CACNA2D1: variants seen among roughly 807,000 people sequenced by gnomAD.
CACNA2D1 encodes the protein voltage-dependent calcium channel subunit alpha-2/delta-1.
Under a neutral mutation model 171.5 loss-of-function variants are expected in CACNA2D1, and 53 were observed. The ratio of observed to expected loss-of-function variants is 0.31; its 90% CI spans 0.25 to 0.39. The LOEUF (loss-of-function observed/expected upper bound fraction) is 0.39, where lower values mean the gene tolerates loss of function less well. Among genes scored for constraint, CACNA2D1 ranks in the 10% least tolerant of loss-of-function variants. The pLI is 1.00. For missense variants in CACNA2D1, 903 were observed against 1,299.8 expected (o/e 0.69, Z 4.69); for synonymous variants, 442 against 443.1 (o/e 1.00, Z 0.03).
At chr7:82,318,856 G>T (rs1403205601) in intron 3 of CACNA2D1, among the ~76,000 whole-genome samples, 1 of 150,592 alleles carries the variant, frequency 6.6e-6, no homozygotes, top group Non-Finnish European at 1.5e-5. Flanking sequence ...GAAAGAGGAA[G>T]AAGAAGGGAC....
intron 7 of CACNA2D1, among the ~76,000 whole-genome samples, chr7:82,081,838 C>G (rs1159338106): frequency 6.7e-6 from 1 of 148,956 alleles, no homozygotes; most frequent in Non-Finnish European, 1.5e-5. Context: ...TGACTGTGCA[C>G]CCAGCCTCTG....
chr7:82,176,488 T>C (rs1414991056), intron 3 of CACNA2D1, among the ~76,000 whole-genome samples: 1 of 151,974 alleles, frequency 6.6e-6, no homozygotes, highest in Admixed American at 6.6e-5. Context: ...GTGCTGTACT[T>C]ACAGATTGTT....
chr7:81,995,454 T>A (rs1296086401), intron 19 of CACNA2D1, among the ~76,000 whole-genome samples: 1 of 152,158 alleles, frequency 6.6e-6, no homozygotes, highest in Non-Finnish European at 1.5e-5. Flanking sequence ...TATTTGGATT[T>A]AGAATAATAG....
intron 15 of CACNA2D1, among the ~76,000 whole-genome samples, chr7:82,008,788 T>G (rs1410374024): frequency 1.3e-5 from 2 of 152,104 alleles, no homozygotes; most frequent in Non-Finnish European, 2.9e-5. Context: ...TTAAAAATAT[T>G]TATTAATATC....
rs528174390 is a variant in CACNA2D1, at chr7:82,324,132, G to A, written c.294+11003C>T. ...CGCACTTTGGGAGGCTGAGGTGGGCGGATCACTTGAGGTCAGGAGTTTGAG... is the reference window on the plus strand; with the variant it reads ...CGCACTTTGGGAGGCTGAGGTGGGCAGATCACTTGAGGTCAGGAGTTTGAG... On this transcript the variant is annotated intron_variant, in intron 3 of 38. Coordinates refer to ENST00000356860, the MANE Select transcript of CACNA2D1 (RefSeq NM_000722.4). Among the ~76,000 whole-genome samples the A allele has an allele frequency of 9.9e-5, 15 of 152,178 alleles. No individual in the cohort carries two copies. In the East Asian group the frequency reaches 1.2e-3, roughly 12 times the overall value.
At chr7:82,191,877 A>C (rs1798330449) in intron 3 of CACNA2D1, among the ~76,000 whole-genome samples, 1 of 151,812 alleles carries the variant, frequency 6.6e-6, no homozygotes, top group Non-Finnish European at 1.5e-5. Flanking sequence ...GCTTAATGAG[A>C]TACGCTTTTC....
chr7:81,947,043 T>C lies in CACNA2D1; in HGVS notation c.*3349A>G, dbSNP rs1396746288. 1 of 152,074 alleles carries C rather than the reference T, an allele frequency of 6.6e-6. No homozygotes were observed. Among genetic ancestry groups the C allele is most frequent in the African/African-American group, 2.4e-5 (1 of 41,444 alleles). 9.4% of individuals were successfully genotyped at this position (152,074 alleles called of 1,614,324 possible). A position where few individuals can be genotyped will look rare whatever the true frequency, so the allele number is the denominator to read the frequency against. On this transcript the variant is annotated 3_prime_UTR_variant, in exon 39 of 39. Transcript: ENST00000356860. ...TTAAAAAAAGTAACAACATCCATTT[T>C]GTTTCACTAGGTCAGACTATACCAT...
At position 81,964,281 on chromosome 7, in the gene CACNA2D1, A is replaced by T; in HGVS notation, c.2653T>A (p.Ser885Thr). 6.2e-7 allele frequency: 1 copy of T among 1,612,544 alleles called. No individual in the cohort carries two copies. Among genetic ancestry groups the T allele is most frequent in the Non-Finnish European group, 8.5e-7 (1 of 1,179,006 alleles). ...VNISVYAFNK[S>T]YDYQSVCEPG... is the part of the protein sequence containing the mutation. The stretch of plus-strand genomic sequence containing the variant: ...TCACATACTGACTGATAATCATAAG[A>T]TTTGTTAAAAGCATAAACTGATATA... Residue 885 changes from serine to threonine, a missense_variant, in exon 33 of 39, where the codon TCT (serine) becomes ACT (threonine). Physicochemically the swap from Ser to Thr is moderately conservative, Grantham distance 58. This residue lies in a region of CACNA2D1 where 623 missense variants were observed against 925.5 expected (regional missense o/e 0.67). Coordinates refer to ENST00000356860, the MANE Select transcript of CACNA2D1 (RefSeq NM_000722.4).
chr7:82,410,922 T>C (rs1827577053), intron 1 of CACNA2D1, among the ~76,000 whole-genome samples: 1 of 152,232 alleles, frequency 6.6e-6, no homozygotes, highest in Admixed American at 6.5e-5. Flanking sequence ...CTCTCTCTCA[T>C]AGGATTACAT....
chr7:82,132,515 G>GC (rs905997285), intron 5 of CACNA2D1, among the ~76,000 whole-genome samples: 1 of 152,126 alleles, frequency 6.6e-6, no homozygotes, highest in Non-Finnish European at 1.5e-5. Context: ...TCTGAGACAT[G>GC]CCCCTAAAGG....
intron 1 of CACNA2D1, among the ~76,000 whole-genome samples, chr7:82,386,050 A>T (rs2129449976): frequency 6.6e-6 from 1 of 152,170 alleles, no homozygotes; most frequent in African/African-American, 2.4e-5. Flanking sequence ...CTGAACTAGA[A>T]TTTTTTTCAG....
intron 38 of CACNA2D1, among the ~76,000 whole-genome samples, chr7:81,951,970 T>TTTTTTGTTTTTTTTTTTG (rs1792593421): frequency 4.2e-5 from 1 of 23,960 alleles, no homozygotes; most frequent in Admixed American, 6.1e-4. Context: ...GTACAAAGTG[T>TTTTTTGTTTTTTTTTTTG]TTTTTTTTTT....
At chr7:82,271,225 G>A (rs1364228662) in intron 3 of CACNA2D1, among the ~76,000 whole-genome samples, 1 of 151,946 alleles carries the variant, frequency 6.6e-6, no homozygotes, top group African/African-American at 2.4e-5. Context: ...AATTCATCAT[G>A]TAGAAAAGAA....
At chr7:81,976,965 G>A (rs1367221128) in intron 24 of CACNA2D1, among the ~76,000 whole-genome samples, 2 of 152,156 alleles carry the variant, frequency 1.3e-5, no homozygotes, top group East Asian at 3.9e-4. Flanking sequence ...AGACAATGGG[G>A]TTTTCTAAAT....
At position 82,038,194 on chromosome 7, in the gene CACNA2D1, A is replaced by T. The variant is rs773515716; in HGVS notation, c.921T>A (p.Leu307=). ...NAQDVSCFQH[L]VQANVRNKKV... is the part of the protein sequence containing the mutation. ...TTTTATTTCTTACATTTGCTTGGAC[A>T]AGGTGCTGAAAACAGCTTACATCCT... The change falls in exon 11 of 39, where the codon CTT becomes CTA. Residue 307 remains leucine (L), a synonymous_variant. Coordinates refer to ENST00000356860, the MANE Select transcript of CACNA2D1 (RefSeq NM_000722.4). The T allele has an allele frequency of 1.9e-6, 3 of 1,613,758 alleles. No individual in the cohort carries two copies. The highest frequency in any genetic ancestry group is 2.5e-6 in the Non-Finnish European group (3 of 1,179,838).
chr7:82,111,428 G>GTGTATATA (rs1413914216), intron 6 of CACNA2D1, among the ~76,000 whole-genome samples: 9 of 50,402 alleles, frequency 1.8e-4, no homozygotes, highest in African/African-American at 7.6e-4. Context: ...ATATATGTGT[G>GTGTATATA]TATATATATA....
chr7:82,033,018 C>T (rs916505018), intron 11 of CACNA2D1, 117 bp from the exon 12 acceptor site: 2 of 675,378 alleles, frequency 3.0e-6, no homozygotes, highest in Non-Finnish European at 5.4e-6. Context: ...TATCTGCTCA[C>T]AAAATATATT....
At chr7:82,109,381 T>C (rs1233558000) in intron 6 of CACNA2D1, among the ~76,000 whole-genome samples, 1 of 151,900 alleles carries the variant, frequency 6.6e-6, no homozygotes, top group Admixed American at 6.6e-5. Context: ...AAAATACCAG[T>C]GGGTTGGAAG....
Position 82,005,414 on chromosome 7 carries a change from T to C in CACNA2D1, c.1590+9A>G, listed in dbSNP as rs1264630730. ...AACACTAATCACTGTAAACAAATTA[T>C]ATACTGACCTTTGGCTGAAGATTTG... On this transcript the variant is annotated intron_variant, in intron 18 of 38. Coordinates refer to ENST00000356860, the MANE Select transcript of CACNA2D1 (RefSeq NM_000722.4). 2 of 1,514,822 alleles carry C rather than the reference T, an allele frequency of 1.3e-6. No homozygotes were observed. The highest frequency in any genetic ancestry group is 2.3e-5 in the East Asian group (1 of 44,088). 93.8% of individuals were successfully genotyped at this position (1,514,822 alleles called of 1,614,324 possible).
Sources: allele counts gnomAD v4.1 joint callset (sites outside exome capture counted in the v4.1 genomes callset), GRCh38; gene constraint gnomAD v4.1.1; regional missense constraint gnomAD v4.1.1; transcripts MANE v1.5; gene names NCBI Gene and HGNC (gene_info 2026-07-23, HGNC 2026-07-21).